VPS37A: variants seen among roughly 807,000 people sequenced by gnomAD.
VPS37A encodes the protein vacuolar protein sorting-associated protein 37A.
Under a neutral mutation model 49.8 loss-of-function variants are expected in VPS37A, and 30 were observed. That is an observed-to-expected ratio of 0.60 (90% CI 0.45 to 0.82). The LOEUF is 0.82. Among genes scored for constraint, VPS37A ranks in the 40% least tolerant of loss-of-function variants. VPS37A has a pLI of 0.00. For synonymous variants in VPS37A, 195 were observed against 160.6 expected (o/e 1.21, Z -1.62); for missense variants, 593 against 464.4 (o/e 1.28, Z -2.55).
At position 17,262,160 on chromosome 8, in the gene VPS37A, G is replaced by C. The variant is rs533242042; in HGVS notation, c.126-3747G>C. ...TGGAAGTCCGATTCTCTTACCATCT[G>C]CTCAGAGTTTTTTCACTTCTCTGTG... On this transcript the variant is annotated intron_variant, in intron 1 of 11. Coordinates refer to ENST00000324849, the MANE Select transcript of VPS37A (RefSeq NM_152415.3). Among the ~76,000 whole-genome samples the C allele has an allele frequency of 2.4e-4, 36 of 152,202 alleles. 1 individual carries two copies. The East Asian group carries it at 6.8e-3, about 29-fold the overall frequency.
chr8:17,276,530 T>A (rs1814529509), intron 6 of VPS37A, 63 bp downstream of exon 6: 1 of 1,443,132 alleles, frequency 6.9e-7, no homozygotes. Context: ...AACCAGATTA[T>A]TATTTCATAT....
At chr8:17,313,810 A>G in the VPS37A span, among the ~76,000 whole-genome samples, 1 of 152,222 alleles carries the variant, frequency 6.6e-6, no homozygotes, top group Non-Finnish European at 1.5e-5. Context: ...CTACCCACTT[A>G]GAAGTTTCTG....
the VPS37A span, among the ~76,000 whole-genome samples, chr8:17,321,239 C>T: frequency 6.6e-6 from 1 of 152,164 alleles, no homozygotes; most frequent in Non-Finnish European, 1.5e-5. Flanking sequence ...ATGGCCTGTG[C>T]CAAAAGCAAG....
At chr8:17,328,401 C>G in the VPS37A span, among the ~76,000 whole-genome samples, 2 of 152,164 alleles carry the variant, frequency 1.3e-5, no homozygotes, top group African/African-American at 4.8e-5. Context: ...CTATTCCAGG[C>G]TCTTCTACGG....
chr8:17,251,181 C>A (rs889785817), intron 1 of VPS37A, among the ~76,000 whole-genome samples: 4 of 152,120 alleles, frequency 2.6e-5, no homozygotes, highest in African/African-American at 9.7e-5. Flanking sequence ...CATCACCCTT[C>A]CCCCCAAGTT....
chr8:17,256,724 C>G (rs554846970), intron 1 of VPS37A, among the ~76,000 whole-genome samples: 2 of 151,868 alleles, frequency 1.3e-5, no homozygotes, highest in East Asian at 3.9e-4. Context: ...ACTGTCTCGG[C>G]TCACCACAAC....
At chr8:17,311,486 G>C in the VPS37A span, 2 of 1,613,668 alleles carry the variant, frequency 1.2e-6, no homozygotes, top group Non-Finnish European at 1.7e-6. Flanking sequence ...ACCGCCTGTG[G>C]GAATCGCCCA....
At chr8:17,258,637 A>G (rs1812695734) in intron 1 of VPS37A, among the ~76,000 whole-genome samples, 1 of 152,064 alleles carries the variant, frequency 6.6e-6, no homozygotes, top group South Asian at 2.1e-4. Flanking sequence ...CTGATCTTGT[A>G]GAATGAGTTT....
chr8:17,288,733 C>A (rs915619927), intron 11 of VPS37A, among the ~76,000 whole-genome samples: 1 of 152,116 alleles, frequency 6.6e-6, no homozygotes, highest in East Asian at 1.9e-4. Flanking sequence ...TGGGTATATA[C>A]CCAGTAGTGG....
At chr8:17,287,600 C>T (rs1285606082) in intron 11 of VPS37A, among the ~76,000 whole-genome samples, 1 of 151,992 alleles carries the variant, frequency 6.6e-6, no homozygotes, top group South Asian at 2.1e-4. Context: ...ATGGCATGAA[C>T]CTGGGAGGCA....
At chr8:17,310,461 G>T in the VPS37A span, among the ~76,000 whole-genome samples, 1 of 152,160 alleles carries the variant, frequency 6.6e-6, no homozygotes, top group Non-Finnish European at 1.5e-5. Flanking sequence ...GTTTAATGGG[G>T]CACAATGAGA....
intron 9 of VPS37A, 116 bp downstream of exon 9, chr8:17,280,559 T>A (rs192584902): frequency 3.4e-6 from 3 of 892,014 alleles, no homozygotes; most frequent in African/African-American, 1.7e-5. Context: ...TCTGACCTTA[T>A]AAGACATGAT....
At chr8:17,248,580 G>T (rs1811663898) in intron 1 of VPS37A, among the ~76,000 whole-genome samples, 1 of 152,050 alleles carries the variant, frequency 6.6e-6, no homozygotes. Context: ...CGGGCTCCTA[G>T]CCCTTTTAAA....
the VPS37A span, among the ~76,000 whole-genome samples, chr8:17,330,195 G>C: frequency 6.6e-6 from 1 of 152,230 alleles, no homozygotes; most frequent in Non-Finnish European, 1.5e-5. Context: ...ACGAAGAACG[G>C]CTTAAGTAAC....
At chr8:17,280,999 C>G (rs1023328049) in intron 9 of VPS37A, among the ~76,000 whole-genome samples, 1 of 151,826 alleles carries the variant, frequency 6.6e-6, no homozygotes, top group African/African-American at 2.4e-5. Flanking sequence ...AGTTAATATT[C>G]TGTTTCCTGT....
intron 1 of VPS37A, among the ~76,000 whole-genome samples, chr8:17,258,651 A>G (rs1812698225): frequency 6.6e-6 from 1 of 151,532 alleles, no homozygotes; most frequent in African/African-American, 2.4e-5. Context: ...TGAGTTTGGA[A>G]GTAGTCCTTC....
chr8:17,298,942 A>T (rs1816918749), downstream of VPS37A: 1 of 152,248 alleles, frequency 6.6e-6, no homozygotes, highest in Non-Finnish European at 1.5e-5. Context: ...TCCCTTCATT[A>T]AACAGACATG....
At chr8:17,280,482 T>C (rs1814950496) in intron 9 of VPS37A, 39 bp downstream of exon 9, 5 of 1,554,892 alleles carry the variant, frequency 3.2e-6, no homozygotes, top group Non-Finnish European at 4.3e-6. Context: ...CATAGATTTT[T>C]TTTTTAATCT....
chr8:17,284,038 G>T (rs1172519448), intron 9 of VPS37A, among the ~76,000 whole-genome samples: 1 of 152,068 alleles, frequency 6.6e-6, no homozygotes, highest in African/African-American at 2.4e-5. Context: ...GTCTTTCACT[G>T]CTTTAGTGAA....
Sources: allele counts gnomAD v4.1 joint callset (sites outside exome capture counted in the v4.1 genomes callset), GRCh38; gene constraint gnomAD v4.1.1; transcripts MANE v1.5; gene names NCBI Gene and HGNC (gene_info 2026-07-23, HGNC 2026-07-21).